Variants in IRAK2 observed in about 807,000 individuals in gnomAD.
IRAK2 encodes the protein interleukin 1 receptor associated kinase 2, also known as interleukin-1 receptor-associated kinase-like 2.
A neutral mutation model predicts 72.0 loss-of-function variants in IRAK2; 57 were observed. The observed-to-expected ratio is 0.79, with a 90% CI of 0.64 to 0.99. The LOEUF (loss-of-function observed/expected upper bound fraction) is 0.99. Among genes scored for constraint, IRAK2 ranks in the 50% least tolerant of loss-of-function variants. The probability of loss-of-function intolerance (pLI) is 0.00; values close to 1 mark genes in which losing one functional copy is unlikely to be tolerated. For synonymous variants in IRAK2, 293 were observed against 312.7 expected, an observed-to-expected ratio of 0.94 and a Z score of 0.67; for missense variants, 790 against 794.4, an observed-to-expected ratio of 0.99 and a Z score of 0.07.
chr3:10,238,332 C>T (rs1381033707), intron 11 of IRAK2, among the ~76,000 whole-genome samples: 1 of 152,082 alleles, frequency 6.6e-6, no homozygotes, highest in African/African-American at 2.4e-5. Context: ...CTGTGTTGAG[C>T]TTTCATTTTC....
In IRAK2 at chr3:10,171,360, G is replaced by A. The variant is rs77912676; in HGVS notation, c.94+6312G>A. ...TCCTCATCCATGAAGCACCCTCACA[G>A]TGTTGCTGAGAGGCTTAGGAGACTC... On this transcript the variant is annotated intron_variant, in intron 1 of 12. Coordinates refer to ENST00000256458, the MANE Select transcript of IRAK2 (RefSeq NM_001570.4). 3.0e-4 allele frequency among the ~76,000 whole-genome samples: 45 copies of A among 152,260 alleles called. 1 individual carries two copies. In the East Asian group the frequency reaches 8.4e-3, roughly 28 times the overall value.
At chr3:10,233,568 G>A (rs1033672580) in intron 10 of IRAK2, among the ~76,000 whole-genome samples, 2 of 152,066 alleles carry the variant, frequency 1.3e-5, no homozygotes, top group Admixed American at 6.6e-5. Context: ...AATACAAAAT[G>A]TATAAGAAGT....
rs1698091584 is a variant in IRAK2, at chr3:10,243,381, T to A, written c.*1153T>A. ...ACTGGATTATGAAGAATCAGGAGAA[T>A]GCATTTCATGTCTGATTCTGCTGCT... On this transcript the variant is annotated 3_prime_UTR_variant, in exon 13 of 13. Transcript: ENST00000256458. 1 of 152,654 alleles carries A rather than the reference T, an allele frequency of 6.6e-6. No homozygotes were observed. The highest frequency in any genetic ancestry group is 2.4e-5 in the African/African-American group (1 of 41,466). The allele number at this position is 152,654 out of a possible 1,614,324, so 9.5% of individuals were successfully genotyped here.
intron 8 of IRAK2, among the ~76,000 whole-genome samples, chr3:10,221,248 A>AAT (rs1697686459): frequency 1.1e-5 from 1 of 89,714 alleles, no homozygotes; most frequent in Non-Finnish European, 2.0e-5. Flanking sequence ...AAAAAAAAAA[A>AAT]TTTTTTTTTT....
intron 2 of IRAK2, among the ~76,000 whole-genome samples, chr3:10,197,784 G>T (rs1575968118): frequency 6.6e-6 from 1 of 151,106 alleles, no homozygotes; most frequent in South Asian, 2.1e-4. Context: ...CCTGGGAGGC[G>T]GAGCTTGTAG....
At chr3:10,215,269 CTG>C (rs1163314967) in intron 6 of IRAK2, among the ~76,000 whole-genome samples, 1 of 151,454 alleles carries the variant, frequency 6.6e-6, no homozygotes, top group Non-Finnish European at 1.5e-5. Context: ...TGGCATGCAC[CTG>C]TAGTCCCAGC....
chr3:10,224,507 A>T (rs1697741153), intron 9 of IRAK2, among the ~76,000 whole-genome samples: 1 of 144,188 alleles, frequency 6.9e-6, no homozygotes, highest in African/African-American at 2.6e-5. Flanking sequence ...TAATGTATAT[A>T]AGCAGGTGAG....
chr3:10,179,833 G>A (rs1696935169), intron 2 of IRAK2, among the ~76,000 whole-genome samples: 1 of 151,854 alleles, frequency 6.6e-6, no homozygotes, highest in South Asian at 2.1e-4. Context: ...GCCTCCCAAA[G>A]TGCTGGGATT....
intron 8 of IRAK2, among the ~76,000 whole-genome samples, chr3:10,221,090 C>T (rs1016057879): frequency 5.3e-5 from 8 of 151,938 alleles, no homozygotes; most frequent in South Asian, 4.2e-4. Flanking sequence ...CACACACACA[C>T]GCTAAAAAAG....
At chr3:10,171,234 C>T (rs558778771) in intron 1 of IRAK2, among the ~76,000 whole-genome samples, 32 of 152,298 alleles carry the variant, frequency 2.1e-4, no homozygotes, top group South Asian at 6.2e-4. Flanking sequence ...TTCCCCGTCT[C>T]GTTCACTCAT....
chr3:10,202,689 C>CT (rs374939802), intron 3 of IRAK2, among the ~76,000 whole-genome samples: 34,296 of 97,904 alleles, frequency 0.35, 6,622 homozygotes, highest in Non-Finnish European at 0.42. Context: ...ACTTTCTTTC[C>CT]TTTTTTTTTT....
At chr3:10,236,021 C>T (rs1209304646) in intron 11 of IRAK2, among the ~76,000 whole-genome samples, 3 of 152,148 alleles carry the variant, frequency 2.0e-5, no homozygotes, top group African/African-American at 4.8e-5. Flanking sequence ...CCCAGGTCCA[C>T]GCTCCTGGAA....
At chr3:10,166,158 A>T (rs1696686191) in intron 1 of IRAK2, among the ~76,000 whole-genome samples, 1 of 152,218 alleles carries the variant, frequency 6.6e-6, no homozygotes, top group African/African-American at 2.4e-5. Context: ...TTATAGTTTT[A>T]AAATCAGATA....
rs746185474 is a variant in IRAK2, at chr3:10,213,309, A to C, written c.631A>C (p.Asn211His). Residue 211 changes from asparagine (N) to histidine (H), a missense_variant, in exon 5 of 13, where the codon AAT (asparagine) becomes CAT (histidine). Coordinates refer to ENST00000256458, the MANE Select transcript of IRAK2 (RefSeq NM_001570.4). ...ADVVQATDDF[N>H]QNRKISQGTF... The stretch of plus-strand genomic sequence containing the variant: ...CGTGGTCCAGGCAACCGATGACTTC[A>C]ATCAAAACCGCAAAATCAGCCAGGG... 38 of 1,614,034 alleles carry C rather than the reference A, an allele frequency of 2.4e-5. No individual in the cohort carries two copies. Among genetic ancestry groups the C allele is most frequent in the Non-Finnish European group, 3.0e-5 (35 of 1,180,044 alleles).
intron 2 of IRAK2, among the ~76,000 whole-genome samples, chr3:10,181,896 C>T (rs1223322563): frequency 6.6e-6 from 1 of 152,092 alleles, no homozygotes; most frequent in East Asian, 1.9e-4. Flanking sequence ...ACTTAGTTTA[C>T]TATGGCACGT....
At chr3:10,211,270 T>G (rs953775225) in intron 4 of IRAK2, among the ~76,000 whole-genome samples, 1 of 152,030 alleles carries the variant, frequency 6.6e-6, no homozygotes, top group African/African-American at 2.4e-5. Flanking sequence ...GCCTCCTGAG[T>G]ATCCGGGATT....
chr3:10,168,660 T>C (rs1696743361), intron 1 of IRAK2, among the ~76,000 whole-genome samples: 1 of 152,218 alleles, frequency 6.6e-6, no homozygotes, highest in Non-Finnish European at 1.5e-5. Context: ...AGAATACCTC[T>C]GCGAGGCTCC....
chr3:10,234,173 AT>A (rs769922734), intron 10 of IRAK2, among the ~76,000 whole-genome samples: 95 of 151,984 alleles, frequency 6.3e-4, no homozygotes, highest in Non-Finnish European at 9.6e-4. Flanking sequence ...TGGTGTAGGT[AT>A]TTTTGTTGTT....
intron 9 of IRAK2, among the ~76,000 whole-genome samples, chr3:10,223,947 C>T (rs938996180): frequency 2.0e-5 from 3 of 152,212 alleles, no homozygotes; most frequent in South Asian, 2.1e-4. Context: ...TCTGCACCTC[C>T]GTGTCTCCCA....
Sources: allele counts gnomAD v4.1 joint callset (sites outside exome capture counted in the v4.1 genomes callset), GRCh38; gene constraint gnomAD v4.1.1; transcripts MANE v1.5; gene names NCBI Gene and HGNC (gene_info 2026-07-23, HGNC 2026-07-21).